TMEM217B: variants seen among roughly 807,000 people sequenced by gnomAD.
TMEM217B encodes putative transmembrane protein 217B.
At chr6:37,221,887 G>A in the TMEM217B span, among the ~76,000 whole-genome samples, 2 of 152,224 alleles carry the variant, frequency 1.3e-5, no homozygotes, top group African/African-American at 4.8e-5. Context: ...TTCTCAGCAG[G>A]GAGAAGGCCC....
At chr6:37,230,832 C>T in the TMEM217B span, among the ~76,000 whole-genome samples, 1 of 152,108 alleles carries the variant, frequency 6.6e-6, no homozygotes, top group Non-Finnish European at 1.5e-5. Context: ...TAAATTGCCT[C>T]TCTACCACTG....
the TMEM217B span, chr6:37,219,123 A>G: frequency 4.0e-6 from 5 of 1,251,924 alleles, no homozygotes; most frequent in Non-Finnish European, 5.6e-6. Flanking sequence ...CCTTCCCCAA[A>G]TCTACTTTGG....
the TMEM217B span, chr6:37,257,830 C>T: frequency 1.0e-5 from 15 of 1,473,356 alleles, no homozygotes; most frequent in Non-Finnish European, 1.4e-5. Flanking sequence ...GGGAAGCGGC[C>T]TGGGTTGGCC....
chr6:37,218,757 T>C, the TMEM217B span: 3 of 1,614,016 alleles, frequency 1.9e-6, no homozygotes, highest in African/African-American at 2.7e-5. Flanking sequence ...ACCAGGCCCC[T>C]GAAGATCTGG....
the TMEM217B span, chr6:37,218,356 AGAC>A: frequency 3.1e-6 from 4 of 1,304,958 alleles, no homozygotes; most frequent in Non-Finnish European, 4.2e-6. Context: ...TTTTTAGTAG[AGAC>A]GGGGTTTTGC....
chr6:37,224,653 G>A, the TMEM217B span, among the ~76,000 whole-genome samples: 3 of 151,254 alleles, frequency 2.0e-5, no homozygotes, highest in Non-Finnish European at 2.9e-5. Context: ...ACAGCATCTC[G>A]CCATGTTACC....
the TMEM217B span, among the ~76,000 whole-genome samples, chr6:37,231,482 G>A: frequency 2.8e-4 from 42 of 150,254 alleles, 1 homozygote; most frequent in African/African-American, 8.5e-4. Context: ...AGACCATCCT[G>A]GCCAACATGG....
the TMEM217B span, among the ~76,000 whole-genome samples, chr6:37,252,635 ATATTTTT>A: frequency 0.026 from 1,539 of 60,176 alleles, 5 homozygotes; most frequent in East Asian, 0.091. Context: ...ATATATATAT[ATATTTTT>A]TTTTTTTTTT....
At chr6:37,215,168 T>A in the TMEM217B span, 2 of 1,608,912 alleles carry the variant, frequency 1.2e-6, no homozygotes, top group Non-Finnish European at 1.7e-6. Flanking sequence ...GCCAAGGTCC[T>A]CTGGTACATT....
the TMEM217B span, chr6:37,257,522 C>CGAA: frequency 4.7e-6 from 1 of 212,052 alleles, no homozygotes; most frequent in Non-Finnish European, 9.6e-6. Flanking sequence ...TCATTCCTCA[C>CGAA]GAAGAAGATA....
chr6:37,230,101 G>T, the TMEM217B span, among the ~76,000 whole-genome samples: 67 of 152,216 alleles, frequency 4.4e-4, no homozygotes, highest in Admixed American at 2.2e-3. Context: ...CTCCTTCCAG[G>T]CCTTGCTCCT....
chr6:37,229,401 G>T, the TMEM217B span, among the ~76,000 whole-genome samples: 33 of 134,500 alleles, frequency 2.5e-4, no homozygotes, highest in Admixed American at 4.2e-4. Context: ...GGAGTGCAGC[G>T]GCGCGATCTC....
the TMEM217B span, among the ~76,000 whole-genome samples, chr6:37,222,605 A>C: frequency 6.6e-6 from 1 of 152,206 alleles, no homozygotes; most frequent in African/African-American, 2.4e-5. Flanking sequence ...GGGTCCTGGC[A>C]GCTGCAGCTG....
chr6:37,225,927 C>T, the TMEM217B span, among the ~76,000 whole-genome samples: 272 of 152,306 alleles, frequency 1.8e-3, no homozygotes, highest in East Asian at 6.2e-3. Context: ...TGATCTATGA[C>T]CTACCCTATC....
chr6:37,228,667 G>A, the TMEM217B span, among the ~76,000 whole-genome samples: 2 of 152,114 alleles, frequency 1.3e-5, no homozygotes, highest in Non-Finnish European at 2.9e-5. Context: ...TCGCGCCACT[G>A]CACTCCAGCT....
chr6:37,224,218 C>T, the TMEM217B span, among the ~76,000 whole-genome samples: 5 of 150,544 alleles, frequency 3.3e-5, no homozygotes, highest in African/African-American at 1.2e-4. Context: ...GGATTACAGG[C>T]GTGAGCCACC....
the TMEM217B span, among the ~76,000 whole-genome samples, chr6:37,235,763 C>T: frequency 6.6e-6 from 1 of 152,196 alleles, no homozygotes; most frequent in Non-Finnish European, 1.5e-5. Context: ...AAGATGACGC[C>T]TTGTTGCTGT....
the TMEM217B span, chr6:37,218,070 A>C: frequency 2.0e-6 from 2 of 1,005,740 alleles, no homozygotes; most frequent in Non-Finnish European, 1.2e-6. Flanking sequence ...GTGGGGGGAA[A>C]AAAGGAAATA....
chr6:37,220,303 A>C, the TMEM217B span, among the ~76,000 whole-genome samples: 1 of 152,204 alleles, frequency 6.6e-6, no homozygotes, highest in Admixed American at 6.5e-5. Context: ...GGCACACTTG[A>C]TTTCATTATG....
Sources: allele counts gnomAD v4.1 joint callset (sites outside exome capture counted in the v4.1 genomes callset), GRCh38; gene constraint gnomAD v4.1.1; transcripts MANE v1.5; gene names NCBI Gene and HGNC (gene_info 2026-07-23, HGNC 2026-07-21).